The following TSPAN18 variants were observed in gnomAD, a reference collection of about 807,000 sequenced individuals.
TSPAN18 encodes the protein tetraspanin 18, also known as tetraspanin-18.
In TSPAN18, 14 loss-of-function variants were observed where a neutral mutation model predicts 27.3. The observed-to-expected ratio is 0.51, with a 90% CI of 0.34 to 0.80. TSPAN18 has a LOEUF of 0.80. TSPAN18 is among the 30% of genes least tolerant of loss of function. TSPAN18 has a pLI of 0.01. For missense variants in TSPAN18, 268 were observed against 323.9 expected, an observed-to-expected ratio of 0.83 and a Z score of 1.32; for synonymous variants, 143 against 136.5, an observed-to-expected ratio of 1.05 and a Z score of -0.33.
At chr11:44,909,567 G>A (rs778651432) in intron 4 of TSPAN18, 138 bp from the exon 5 acceptor site, 107 of 811,016 alleles carry the variant, frequency 1.3e-4, no homozygotes, top group Non-Finnish European at 1.9e-4. Context: ...GGCTCTCGCC[G>A]CAGGTGAATT....
chr11:44,810,108 C>A (rs759006324), intron 2 of TSPAN18, among the ~76,000 whole-genome samples: 1 of 152,202 alleles, frequency 6.6e-6, no homozygotes, highest in African/African-American at 2.4e-5. Context: ...GCTTTTCTTG[C>A]ATCTTTTTTC....
rs1216752117 is a variant in TSPAN18 at position 44,904,094 on chromosome 11, T to C, written c.-10-2313T>C. Among the ~76,000 whole-genome samples, 3 of 152,290 alleles carry C rather than the reference T, an allele frequency of 2.0e-5. No individual in the cohort carries two copies. In the East Asian group the frequency reaches 5.8e-4, roughly 29 times the overall value. On this transcript the variant is annotated intron_variant, in intron 3 of 9. Transcript: ENST00000520358. ...TTAAGAGAAACCCTTGGGGCACTGT[T>C]GGAAGGACAAAGGCTTGGAGCCTGG...
chr11:44,754,341 C>T (rs764145341), intron 1 of TSPAN18, among the ~76,000 whole-genome samples: 2 of 152,188 alleles, frequency 1.3e-5, no homozygotes, highest in African/African-American at 4.8e-5. Context: ...ATCTCTATTA[C>T]TGGCGTGTGG....
chr11:44,770,702 G>C (rs1855671177), intron 2 of TSPAN18, among the ~76,000 whole-genome samples: 1 of 152,192 alleles, frequency 6.6e-6, no homozygotes, highest in Non-Finnish European at 1.5e-5. Context: ...AGCGGGCAGG[G>C]AGACCAGTAC....
intron 2 of TSPAN18, among the ~76,000 whole-genome samples, chr11:44,784,538 T>C (rs1407265643): frequency 6.6e-6 from 1 of 152,236 alleles, no homozygotes; most frequent in Non-Finnish European, 1.5e-5. Flanking sequence ...CTGGAGACTC[T>C]GTGCTATCAC....
At chr11:44,867,921 G>A (rs1421944703) in intron 3 of TSPAN18, among the ~76,000 whole-genome samples, 1 of 152,176 alleles carries the variant, frequency 6.6e-6, no homozygotes, top group Non-Finnish European at 1.5e-5. Context: ...TTTTCCCCAG[G>A]AGCACTGGGG....
chr11:44,796,684 C>G (rs898285127), intron 2 of TSPAN18, among the ~76,000 whole-genome samples: 1 of 152,132 alleles, frequency 6.6e-6, no homozygotes, highest in African/African-American at 2.4e-5. Context: ...CAAGGATAGC[C>G]TCAGTCACAC....
chr11:44,930,297 G>C lies in TSPAN18; in HGVS notation c.*1119G>C, dbSNP rs980611813. 6.5e-6 allele frequency: 1 copy of C among 153,034 alleles called. No homozygotes were observed. The highest frequency in any genetic ancestry group is 2.4e-5 in the African/African-American group (1 of 41,430). The allele number at this position is 153,034 out of a possible 1,614,324, so 9.5% of individuals were successfully genotyped here. On this transcript the variant is annotated 3_prime_UTR_variant, in exon 10 of 10. Transcript: ENST00000520358. ...CCTCTTGCATACCTCCAGGGACAGA[G>C]AGCTTACTACCTCCCAAGGCAGCCT...
intron 2 of TSPAN18, among the ~76,000 whole-genome samples, chr11:44,784,827 C>T (rs1354342392): frequency 6.6e-6 from 1 of 152,182 alleles, no homozygotes; most frequent in Admixed American, 6.5e-5. Flanking sequence ...AGTTAAATGG[C>T]TTGTTCAGGG....
intron 2 of TSPAN18, among the ~76,000 whole-genome samples, chr11:44,846,513 C>T (rs770458592): frequency 9.9e-5 from 15 of 152,132 alleles, no homozygotes; most frequent in African/African-American, 2.9e-4. Flanking sequence ...TCAGAACACT[C>T]GACAAACGTC....
At chr11:44,908,810 A>AAG (rs1564993103) in intron 4 of TSPAN18, among the ~76,000 whole-genome samples, 2 of 116,486 alleles carry the variant, frequency 1.7e-5, no homozygotes, top group Admixed American at 8.7e-5. Flanking sequence ...AAAGAAAGAA[A>AAG]GAAAGAAAGA....
intron 3 of TSPAN18, among the ~76,000 whole-genome samples, chr11:44,878,570 G>T (rs1297155617): frequency 6.6e-6 from 1 of 152,282 alleles, no homozygotes; most frequent in Admixed American, 6.5e-5. Flanking sequence ...GGTACCCACG[G>T]GGCCCTGGGG....
At chr11:44,919,180 C>T in intron 6 of TSPAN18, 34 bp from the exon 7 acceptor site, 1 of 1,578,042 alleles carries the variant, frequency 6.3e-7, no homozygotes, top group Non-Finnish European at 8.7e-7. Flanking sequence ...ACCCAACTGC[C>T]AGGCCTAAGC....
rs529711276 is a variant in TSPAN18 at position 44,902,432 on chromosome 11, A to G, written c.-10-3975A>G. Among the ~76,000 whole-genome samples, 8 of 152,348 alleles carry G rather than the reference A, an allele frequency of 5.3e-5. No homozygotes were observed. In the East Asian group the frequency reaches 1.5e-3, roughly 29 times the overall value. On this transcript the variant is annotated intron_variant, in intron 3 of 9. Coordinates refer to ENST00000520358, the MANE Select transcript of TSPAN18 (RefSeq NM_130783.5). ...GATGATGTGAGGGATGTAGCTGGCA[A>G]GCTGGCCTGGAAATGGTATCCTGGG...
At chr11:44,746,212 G>C (rs969111872) in intron 1 of TSPAN18, among the ~76,000 whole-genome samples, 13 of 152,146 alleles carry the variant, frequency 8.5e-5, no homozygotes, top group Non-Finnish European at 1.8e-4. Context: ...TTTTGGTTCA[G>C]AGTTCCTGTT....
intron 2 of TSPAN18, among the ~76,000 whole-genome samples, chr11:44,815,053 CGTGGGAGCATGGCA>C (rs1856793167): frequency 6.6e-6 from 1 of 152,046 alleles, no homozygotes; most frequent in African/African-American, 2.4e-5. Flanking sequence ...AGGTGCTTGG[CGTGGGAGCATGGCA>C]GTGGGAAGAT....
chr11:44,820,002 C>T (rs577032552), intron 2 of TSPAN18, among the ~76,000 whole-genome samples: 2 of 152,130 alleles, frequency 1.3e-5, no homozygotes, highest in Non-Finnish European at 2.9e-5. Flanking sequence ...TCTGCACTAG[C>T]GCCGGCCAAG....
intron 2 of TSPAN18, among the ~76,000 whole-genome samples, chr11:44,856,827 T>G (rs1055071797): frequency 6.6e-6 from 1 of 152,172 alleles, no homozygotes; most frequent in African/African-American, 2.4e-5. Flanking sequence ...TCAACAGCTC[T>G]TCCTCCCTCC....
chr11:44,807,110 C>G (rs1272854222), intron 2 of TSPAN18, among the ~76,000 whole-genome samples: 5 of 148,070 alleles, frequency 3.4e-5, no homozygotes, highest in Non-Finnish European at 5.9e-5. Context: ...GTAATCCCAG[C>G]TACTTGGGAG....
Sources: gnomAD v4.1 joint callset for allele counts (sites outside exome capture counted in the v4.1 genomes callset) on GRCh38, gnomAD v4.1.1 for gene constraint, MANE v1.5 for transcripts, NCBI Gene and HGNC (gene_info 2026-07-23, HGNC 2026-07-21) for gene names.